KCNA2: variants seen among roughly 807,000 people sequenced by gnomAD.
KCNA2 encodes potassium voltage-gated channel subfamily A member 2.
KCNA2 carries 11 observed loss-of-function variants against 33.4 expected under a neutral mutation model. That is an observed-to-expected ratio of 0.33 (90% CI 0.21 to 0.55). KCNA2 has a LOEUF of 0.55. Among genes scored for constraint, KCNA2 ranks in the 20% least tolerant of loss-of-function variants. The pLI is 0.93. For missense variants in KCNA2, 291 were observed against 621.6 expected, an observed-to-expected ratio of 0.47 and a Z score of 5.66; for synonymous variants, 222 against 231.3, an observed-to-expected ratio of 0.96 and a Z score of 0.37.
At chr1:110,609,940 C>A (rs1055763552), upstream of KCNA2, among the ~76,000 whole-genome samples, 11 of 152,206 alleles carry the variant, frequency 7.2e-5, no homozygotes, top group Non-Finnish European at 1.5e-4. Context: ...AATGGGAGAG[C>A]AAAGCTACTT....
At position 110,618,864 on chromosome 1, in the gene KCNA2, C is replaced by T. The variant is rs577526149; in HGVS notation, c.-496+12531G>A. Among the ~76,000 whole-genome samples the T allele has an allele frequency of 7.3e-4, 111 of 152,306 alleles. 2 individuals carry two copies. The highest frequency in any genetic ancestry group is 5.7e-4 in the Non-Finnish European group (39 of 68,018). On this transcript the variant is annotated intron_variant, in intron 1 of 4. Coordinates refer to the KCNA2 transcript ENST00000369770. ...TCTGAACCAGATGTCTTATCTCTTC[C>T]GGCAGGCGAAGCAAACCTGGCCCCA...
intron 1 of KCNA2, among the ~76,000 whole-genome samples, chr1:110,617,770 G>A (rs916353454): frequency 1.3e-5 from 2 of 152,200 alleles, no homozygotes; most frequent in Admixed American, 1.3e-4. Context: ...CTTCAGAGAG[G>A]TGGTGTGCGA....
At chr1:110,620,077 AGAGAGAGAGAGTGAGT>A (rs1253761978) in intron 1 of KCNA2, among the ~76,000 whole-genome samples, 8 of 144,672 alleles carry the variant, frequency 5.5e-5, no homozygotes, top group African/African-American at 2.1e-4. Flanking sequence ...AGAGAGAGAG[AGAGAGAGAGAGTGAGT>A]GAGAGAGAGA....
Position 110,602,025 on chromosome 1 carries a change from C to T in KCNA2, c.*1258G>A. ...TATATATTTATATACACTGGATCCA[C>T]AGACCTGCCTGTCATCAGGACCAGA... On this transcript the variant is annotated 3_prime_UTR_variant, in exon 3 of 3. Coordinates refer to ENST00000316361, the MANE Select transcript of KCNA2 (RefSeq NM_004974.4). The T allele has an allele frequency of 6.5e-6, 10 of 1,550,300 alleles. No homozygotes were observed. Among genetic ancestry groups the T allele is most frequent in the Non-Finnish European group, 8.7e-6 (10 of 1,146,886 alleles).
intron 1 of KCNA2, among the ~76,000 whole-genome samples, chr1:110,625,781 A>G (rs1313989412): frequency 6.6e-6 from 1 of 152,210 alleles, no homozygotes; most frequent in East Asian, 1.9e-4. Context: ...AAGAGTGGGA[A>G]ATGGCAATGA....
rs1649256569 is a variant in KCNA2 at position 110,599,759 on chromosome 1, T to C, written c.*3524A>G. 1 of 985,428 alleles carries C rather than the reference T, an allele frequency of 1.0e-6. No homozygotes were observed. The allele number at this position is 985,428 out of a possible 1,614,324, so 61.0% of individuals were successfully genotyped here. A position where few individuals can be genotyped will look rare whatever the true frequency, so the allele number is the denominator to read the frequency against. On this transcript the variant is annotated 3_prime_UTR_variant, in exon 3 of 3. Transcript: ENST00000316361. ...TGAGCCATTACTGCTTTTAAGAGAA[T>C]AGGGCTGAATCTGGAGATCCCAGGT... is the stretch of plus-strand genomic sequence containing the variant.
rs1236616979 is a variant in KCNA2, at chr1:110,599,696, C to G, written c.*3587G>C. The stretch of plus-strand genomic sequence containing the variant: ...TGGGCTTAGAGAATGTTGGGGACAT[C>G]TTTACCCTGGTCCTGGGCTCAAGAT... On this transcript the variant is annotated 3_prime_UTR_variant, in exon 3 of 3. Coordinates refer to ENST00000316361, the MANE Select transcript of KCNA2 (RefSeq NM_004974.4). 3.0e-6 allele frequency: 3 copies of G among 985,412 alleles called. No individual in the cohort carries two copies. In the East Asian group the frequency reaches 3.4e-4, roughly 112 times the overall value. The allele number at this position is 985,412 out of a possible 1,614,324, so 61.0% of individuals were successfully genotyped here.
At position 110,604,510 on chromosome 1, in the gene KCNA2, G is replaced by A. The variant is rs750174299; in HGVS notation, c.273C>T (p.Tyr91=). 37 of 1,614,104 alleles carry A rather than the reference G, an allele frequency of 2.3e-5. No individual in the cohort carries two copies. Among genetic ancestry groups the A allele is most frequent in the South Asian group, 6.6e-5 (6 of 91,092 alleles). The change falls in exon 3 of 3, where the codon TAC becomes TAT. Residue 91 remains tyrosine, a synonymous_variant. Coordinates refer to ENST00000316361, the MANE Select transcript of KCNA2 (RefSeq NM_004974.4). The surrounding 1 kb of genome is among the most constrained non-coding windows in gnomAD (Gnocchi z 7.6). ...GCCTCAATCGGCCCCCTGACTGGTA[G>A]TAGTACAAAATGGCATCAAAGCTAG... is the stretch of plus-strand genomic sequence containing the variant. ...NRPSFDAILY[Y]YQSGGRLRRP...
At chr1:110,630,009 CTTTTTTTTTTTTT>C (rs372364243) in intron 1 of KCNA2, among the ~76,000 whole-genome samples, 4 of 115,220 alleles carry the variant, frequency 3.5e-5, no homozygotes, top group African/African-American at 1.5e-4. Context: ...GTGCTCTGTA[CTTTTTTTTTTTTT>C]TTTTTTTTTT....
At position 110,598,799 on chromosome 1, in the gene KCNA2, C is replaced by T. The variant is rs1649212991; in HGVS notation, c.*4484G>A. 1.0e-6 allele frequency: 1 copy of T among 985,226 alleles called. No homozygotes were observed. Among genetic ancestry groups the T allele is most frequent in the Admixed American group, 6.1e-5 (1 of 16,264 alleles). 61.0% of individuals were successfully genotyped at this position (985,226 alleles called of 1,614,324 possible). The stretch of plus-strand genomic sequence containing the variant: ...AGCATGTCAAATATTACTGAAGTTT[C>T]AGAAAGCACAGAGCCTTAATTATTT... On this transcript the variant is annotated 3_prime_UTR_variant, in exon 3 of 3. Coordinates refer to ENST00000316361, the MANE Select transcript of KCNA2 (RefSeq NM_004974.4).
chr1:110,605,044 GACAC>G (rs1203192607), intron 2 of KCNA2, 99 bp from the exon 3 acceptor site: 1 of 507,136 alleles, frequency 2.0e-6, no homozygotes, highest in Non-Finnish European at 3.5e-6. Flanking sequence ...CAAGAGTTCA[GACAC>G]ATGATCACCA....
chr1:110,600,175 T>A lies in KCNA2; in HGVS notation c.*3108A>T, dbSNP rs1649275630. 11 of 983,810 alleles carry A rather than the reference T, an allele frequency of 1.1e-5. No homozygotes were observed. The highest frequency in any genetic ancestry group is 1.3e-5 in the Non-Finnish European group (11 of 829,690). The allele number at this position is 983,810 out of a possible 1,614,324, so 60.9% of individuals were successfully genotyped here. Reference sequence around the variant, plus strand: ...ATTCATAGCTCTGGGGGCAGGGCAATGGGTCTGAGTATATGTCTGCATTTC... The same window carrying A: ...ATTCATAGCTCTGGGGGCAGGGCAAAGGGTCTGAGTATATGTCTGCATTTC... On this transcript the variant is annotated 3_prime_UTR_variant, in exon 3 of 3. Transcript: ENST00000316361.
chr1:110,594,667 A>G lies in KCNA2; in HGVS notation c.*8616T>C, dbSNP rs1306593489. 1 of 985,302 alleles carries G rather than the reference A, an allele frequency of 1.0e-6. No homozygotes were observed. The highest frequency in any genetic ancestry group is 1.2e-6 in the Non-Finnish European group (1 of 829,990). 61.0% of individuals were successfully genotyped at this position (985,302 alleles called of 1,614,324 possible). A position where few individuals can be genotyped will look rare whatever the true frequency, so the allele number is the denominator to read the frequency against. On this transcript the variant is annotated 3_prime_UTR_variant, in exon 3 of 3. Transcript: ENST00000316361. ...CAAATGAAGGAACCATCCAAGCACGACAACAAAAGGAAACTGGGTCGCTGG... is the reference window on the plus strand; with the variant it reads ...CAAATGAAGGAACCATCCAAGCACGGCAACAAAAGGAAACTGGGTCGCTGG...
rs948086776 is a variant in KCNA2 at position 110,594,665 on chromosome 1, C to T, written c.*8618G>A. 57 of 985,240 alleles carry T rather than the reference C, an allele frequency of 5.8e-5. No homozygotes were observed. The highest frequency in any genetic ancestry group is 6.7e-5 in the Non-Finnish European group (56 of 829,982). The allele number at this position is 985,240 out of a possible 1,614,324, so 61.0% of individuals were successfully genotyped here. A position where few individuals can be genotyped will look rare whatever the true frequency, so the allele number is the denominator to read the frequency against. On this transcript the variant is annotated 3_prime_UTR_variant, in exon 3 of 3. Coordinates refer to ENST00000316361, the MANE Select transcript of KCNA2 (RefSeq NM_004974.4). ...TTCAAATGAAGGAACCATCCAAGCA[C>T]GACAACAAAAGGAAACTGGGTCGCT...
In KCNA2 at chr1:110,601,964, G is replaced by T; in HGVS notation, c.*1319C>A. On this transcript the variant is annotated 3_prime_UTR_variant, in exon 3 of 3. Transcript: ENST00000316361. ...AAATGCAATTTCTTTTCTATCACTA[G>T]CTAGGTAGAGGAACGCGTGAAAGAG... 1 of 1,515,526 alleles carries T rather than the reference G, an allele frequency of 6.6e-7. No individual in the cohort carries two copies. The highest frequency in any genetic ancestry group is 8.9e-7 in the Non-Finnish European group (1 of 1,128,108). The allele number at this position is 1,515,526 out of a possible 1,614,324, so 93.9% of individuals were successfully genotyped here.
rs1250741371 is a variant in KCNA2, at chr1:110,597,701, G to A, written c.*5582C>T. ...GTGAATGAGCCCCCAGAAGTCAAGG[G>A]CATTATCTGATAATCCAGGTACTAT... is the stretch of plus-strand genomic sequence containing the variant. On this transcript the variant is annotated 3_prime_UTR_variant, in exon 3 of 3. Coordinates refer to ENST00000316361, the MANE Select transcript of KCNA2 (RefSeq NM_004974.4). 1.1e-4 allele frequency: 105 copies of A among 985,354 alleles called. No homozygotes were observed. In the Admixed American group the frequency reaches 2.1e-3, roughly 20 times the overall value. 61.0% of individuals were successfully genotyped at this position (985,354 alleles called of 1,614,324 possible).
In KCNA2 at chr1:110,603,118, T is replaced by C. The variant is rs1315587402; in HGVS notation, c.*165A>G. ...ATGTGCATGAAAGCCATGATAGATA[T>C]TCTGTGTTCTAAATCAAAAGTCAAA... is the stretch of plus-strand genomic sequence containing the variant. On this transcript the variant is annotated 3_prime_UTR_variant, in exon 3 of 3. Coordinates refer to ENST00000316361, the MANE Select transcript of KCNA2 (RefSeq NM_004974.4). The surrounding 1 kb of genome is among the most constrained non-coding windows in gnomAD (Gnocchi z 5.7). 3 of 1,430,960 alleles carry C rather than the reference T, an allele frequency of 2.1e-6. No homozygotes were observed. Among genetic ancestry groups the C allele is most frequent in the Admixed American group, 6.0e-5 (2 of 33,112 alleles). The allele number at this position is 1,430,960 out of a possible 1,614,324, so 88.6% of individuals were successfully genotyped here.
exon 1 of KCNA2, chr1:110,631,434 T>G (rs572330584): frequency 5.2e-5 from 8 of 152,434 alleles, no homozygotes; most frequent in African/African-American, 1.7e-4. Context: ...GCAGAAGTCT[T>G]GGCGCTGGAA....
chr1:110,603,675 C>T lies in KCNA2; in HGVS notation c.1108G>A (p.Val370Ile), dbSNP rs756214647. The T allele has an allele frequency of 1.3e-5, 21 of 1,614,068 alleles. No individual in the cohort carries two copies. The highest frequency in any genetic ancestry group is 1.8e-5 in the Non-Finnish European group (21 of 1,180,028). Residue 370 changes from valine (V) to isoleucine (I), a missense_variant, in exon 3 of 3, where the codon GTC becomes ATC. Val to Ile is a conservative substitution (Grantham distance 29, BLOSUM62 3). Around this residue, in one of 5 missense-constraint regions of KCNA2, gnomAD observed 9 missense variants for 77.4 expected, o/e 0.12. Coordinates refer to ENST00000316361, the MANE Select transcript of KCNA2 (RefSeq NM_004974.4). This position sits in a 1 kb window ranked among gnomAD's most constrained non-coding sequence, Gnocchi z 5.7. ...CCATAGCCTACAGTTGTCATGGAGA[C>T]GACTGCCCACCAGAAGGCATCTGGG... is the stretch of plus-strand genomic sequence containing the variant. Reference protein sequence around the residue: ...SIPDAFWWAVVSMTTVGYGDM... With the variant: ...SIPDAFWWAVISMTTVGYGDM...
Sources: allele counts gnomAD v4.1 joint callset (sites outside exome capture counted in the v4.1 genomes callset), GRCh38; gene constraint gnomAD v4.1.1; regional missense constraint gnomAD v4.1.1; non-coding constraint Gnocchi (gnomAD v3.1); transcripts MANE v1.5; gene names NCBI Gene and HGNC (gene_info 2026-07-23, HGNC 2026-07-21).